The following ZNF532 variants were observed in gnomAD, a reference collection of about 807,000 sequenced individuals.
ZNF532 encodes zinc finger protein 532.
Under a neutral mutation model 89.3 loss-of-function variants are expected in ZNF532, and 22 were observed. That is an observed-to-expected ratio of 0.25 (90% CI 0.18 to 0.35). The LOEUF is 0.35. Ranked by LOEUF, ZNF532 falls within the 10% of genes least tolerant of loss-of-function variation. The pLI is 1.00. For missense variants in ZNF532, 1,132 were observed against 1,643.4 expected (o/e 0.69, Z 5.38); for synonymous variants, 606 against 649.6 (o/e 0.93, Z 1.02).
intron 2 of ZNF532, among the ~76,000 whole-genome samples, chr18:58,871,927 A>G (rs1003134791): frequency 6.6e-6 from 1 of 152,210 alleles, no homozygotes. Flanking sequence ...AGGCTGAGAA[A>G]ATCAAAGCAA....
intron 2 of ZNF532, among the ~76,000 whole-genome samples, chr18:58,900,224 C>T (rs2059516503): frequency 6.6e-6 from 1 of 152,168 alleles, no homozygotes; most frequent in Non-Finnish European, 1.5e-5. Context: ...CGGAGGATCG[C>T]AGCAGTCAGC....
intron 7 of ZNF532, among the ~76,000 whole-genome samples, chr18:58,967,128 A>T (rs2065999065): frequency 6.6e-6 from 1 of 152,204 alleles, no homozygotes; most frequent in African/African-American, 2.4e-5. Flanking sequence ...TTCTTTCTGA[A>T]AGTCTGCTAG....
At chr18:58,906,429 T>G (rs1178231966) in intron 2 of ZNF532, among the ~76,000 whole-genome samples, 1 of 151,866 alleles carries the variant, frequency 6.6e-6, no homozygotes, top group Non-Finnish European at 1.5e-5. Flanking sequence ...AGTTTTTTTG[T>G]TTTTTTTGGA....
chr18:58,931,022 A>T (rs1325062852), intron 3 of ZNF532, among the ~76,000 whole-genome samples: 1 of 152,176 alleles, frequency 6.6e-6, no homozygotes, highest in Non-Finnish European at 1.5e-5. Context: ...AGTATTACCT[A>T]TTGAAAAGTA....
At chr18:58,888,856 T>TATAA (rs2058637785) in intron 2 of ZNF532, among the ~76,000 whole-genome samples, 3 of 44,388 alleles carry the variant, frequency 6.8e-5, no homozygotes, top group Non-Finnish European at 1.1e-4. Flanking sequence ...TATATATAAT[T>TATAA]TATATATATA....
At chr18:58,935,059 C>T (rs531356956) in intron 4 of ZNF532, among the ~76,000 whole-genome samples, 1 of 146,460 alleles carries the variant, frequency 6.8e-6, no homozygotes, top group East Asian at 2.0e-4. Flanking sequence ...GGTGTATGTT[C>T]CAGCCTTGCA....
intron 9 of ZNF532, 121 bp from the exon 10 acceptor site, chr18:58,983,851 C>G (rs2068133559): frequency 7.6e-7 from 1 of 1,312,100 alleles, no homozygotes; most frequent in Non-Finnish European, 1.0e-6. Flanking sequence ...TTTAAAGCCC[C>G]TAAATCCCAA....
In ZNF532 at chr18:58,874,129, C is replaced by T. The variant is rs748872236; in HGVS notation, c.-18+8550C>T. Among the ~76,000 whole-genome samples the T allele has an allele frequency of 6.1e-4, 93 of 152,050 alleles. 1 individual carries two copies. Among genetic ancestry groups the T allele is most frequent in the Admixed American group, 1.2e-3 (19 of 15,280 alleles). On this transcript the variant is annotated intron_variant, in intron 2 of 9. Transcript: ENST00000591808. ...TTTCTTGGAGGGTATTGTCTCCTGT[C>T]CTGCCTTACCTCATTGGCAAGTATA...
At chr18:58,944,263 A>G (rs2063464433) in intron 5 of ZNF532, among the ~76,000 whole-genome samples, 2 of 151,930 alleles carry the variant, frequency 1.3e-5, no homozygotes, top group Admixed American at 6.6e-5. Context: ...TATTCTGGAG[A>G]GTTTGTTGCT....
intron 7 of ZNF532, among the ~76,000 whole-genome samples, chr18:58,972,953 G>A (rs185069677): frequency 6.6e-6 from 1 of 152,156 alleles, no homozygotes; most frequent in Admixed American, 6.5e-5. Context: ...ACAATTGACA[G>A]CTTCTGTTCT....
At chr18:58,911,936 C>T (rs569073679) in intron 2 of ZNF532, among the ~76,000 whole-genome samples, 28 of 151,944 alleles carry the variant, frequency 1.8e-4, no homozygotes, top group Non-Finnish European at 3.2e-4. Flanking sequence ...AGAAGTAGGC[C>T]GAGTGGGGGA....
At chr18:58,881,934 C>T (rs548972199) in intron 2 of ZNF532, among the ~76,000 whole-genome samples, 34 of 152,266 alleles carry the variant, frequency 2.2e-4, no homozygotes, top group African/African-American at 7.9e-4. Flanking sequence ...TTTGGAAATA[C>T]TTCCAGAACC....
At chr18:58,890,383 A>G (rs1017129014) in intron 2 of ZNF532, among the ~76,000 whole-genome samples, 2 of 152,040 alleles carry the variant, frequency 1.3e-5, no homozygotes, top group Non-Finnish European at 2.9e-5. Context: ...TCTTCTACCC[A>G]GAGGGCCATT....
At chr18:58,953,871 G>T in intron 7 of ZNF532, 72 bp downstream of exon 7, 1 of 1,525,550 alleles carries the variant, frequency 6.6e-7, no homozygotes, top group Non-Finnish European at 8.8e-7. Flanking sequence ...TCCAAGATGT[G>T]GGCTCTTGGC....
Position 58,918,630 on chromosome 18 carries a change from C to T in ZNF532, c.343C>T (p.Pro115Ser). 1 of 1,614,144 alleles carries T rather than the reference C, an allele frequency of 6.2e-7. No individual in the cohort carries two copies. Among genetic ancestry groups the T allele is most frequent in the Non-Finnish European group, 8.5e-7 (1 of 1,180,034 alleles). Residue 115 changes from proline to serine, a missense_variant, in exon 3 of 10, where the codon CCT (proline) becomes TCT (serine). Physicochemically the swap from Pro to Ser is moderately conservative, Grantham distance 74. Transcript: ENST00000591808. ...DGAKSLKGDV[P>S]ASEVTLKDST... is the part of the protein sequence containing the mutation. ...AGCAAAGTCCTTGAAAGGAGATGTG[C>T]CTGCCTCTGAGGTGACACTGAAAGA...
At chr18:58,865,798 G>A (rs186874136) in intron 2 of ZNF532, among the ~76,000 whole-genome samples, 1 of 152,318 alleles carries the variant, frequency 6.6e-6, no homozygotes, top group East Asian at 1.9e-4. Context: ...ATGTGTCTGG[G>A]CAATTGGGAG....
chr18:58,972,483 G>A (rs961126922), intron 7 of ZNF532, among the ~76,000 whole-genome samples: 1 of 152,132 alleles, frequency 6.6e-6, no homozygotes, highest in Non-Finnish European at 1.5e-5. Context: ...AGTTATTTGA[G>A]TCTGAAGTCT....
chr18:58,892,565 A>G (rs931907479), intron 2 of ZNF532, among the ~76,000 whole-genome samples: 3 of 152,214 alleles, frequency 2.0e-5, no homozygotes, highest in African/African-American at 7.2e-5. Context: ...TGGGTGTTAG[A>G]GCATTGGCAA....
chr18:58,966,738 G>GTT (rs540133909), intron 7 of ZNF532, among the ~76,000 whole-genome samples: 286 of 125,930 alleles, frequency 2.3e-3, no homozygotes, highest in East Asian at 0.011. Flanking sequence ...ATTTTTTTGT[G>GTT]TTTTTTTTTT....
Sources: allele counts gnomAD v4.1 joint callset (sites outside exome capture counted in the v4.1 genomes callset), GRCh38; gene constraint gnomAD v4.1.1; transcripts MANE v1.5; gene names NCBI Gene and HGNC (gene_info 2026-07-23, HGNC 2026-07-21).